The following DPYD variants were observed in gnomAD, a reference collection of about 807,000 sequenced individuals.
DPYD encodes dihydropyrimidine dehydrogenase, also known as dihydropyrimidine dehydrogenase [NADP(+)].
In DPYD, 109 loss-of-function variants were observed where a neutral mutation model predicts 116.2. The ratio of observed to expected loss-of-function variants is 0.94; its 90% CI spans 0.80 to 1.10. The LOEUF is 1.10. Ranked by LOEUF, DPYD falls within the 50% of genes least tolerant of loss-of-function variation. DPYD has a pLI of 0.00. For synonymous variants in DPYD, 440 were observed against 432.0 expected, an observed-to-expected ratio of 1.02 and a Z score of -0.23; for missense variants, 1,302 against 1,254.5, an observed-to-expected ratio of 1.04 and a Z score of -0.57.
intron 20 of DPYD, among the ~76,000 whole-genome samples, chr1:97,188,429 C>T (rs1351123952): frequency 8.5e-5 from 13 of 152,236 alleles, no homozygotes; most frequent in South Asian, 6.2e-4. Context: ...ACAGATAATT[C>T]GTGCAATTTA....
chr1:97,199,225 A>G (rs1428522152), intron 19 of DPYD, among the ~76,000 whole-genome samples: 4 of 152,140 alleles, frequency 2.6e-5, no homozygotes, highest in African/African-American at 9.7e-5. Flanking sequence ...AGAGGGAGTA[A>G]TATTCTTACT....
intron 14 of DPYD, among the ~76,000 whole-genome samples, chr1:97,428,837 A>G (rs935231634): frequency 2.0e-5 from 3 of 151,972 alleles, no homozygotes; most frequent in Non-Finnish European, 4.4e-5. Context: ...TGACAGTAAG[A>G]AAGATTTCAA....
intron 14 of DPYD, among the ~76,000 whole-genome samples, chr1:97,417,107 T>A (rs929571974): frequency 6.6e-6 from 1 of 152,178 alleles, no homozygotes; most frequent in African/African-American, 2.4e-5. Context: ...AGAGAGGCCA[T>A]ATAATCTAGT....
At chr1:97,761,021 G>A (rs1403247175) in intron 3 of DPYD, among the ~76,000 whole-genome samples, 1 of 152,058 alleles carries the variant, frequency 6.6e-6, no homozygotes, top group Non-Finnish European at 1.5e-5. Flanking sequence ...TGAATCTAAG[G>A]TGTAGGTCCA....
intron 14 of DPYD, among the ~76,000 whole-genome samples, chr1:97,406,353 T>G (rs1673657534): frequency 6.7e-6 from 1 of 150,136 alleles, no homozygotes; most frequent in South Asian, 2.1e-4. Context: ...GAATAAAACC[T>G]ATTTTAAAAT....
chr1:97,250,009 C>T (rs1327769766), intron 18 of DPYD, among the ~76,000 whole-genome samples: 5 of 152,136 alleles, frequency 3.3e-5, no homozygotes, highest in Non-Finnish European at 5.9e-5. Context: ...TGGTGGCTCA[C>T]GCCTGTAATC....
At chr1:97,439,131 A>G (rs916152252) in intron 14 of DPYD, among the ~76,000 whole-genome samples, 1 of 151,864 alleles carries the variant, frequency 6.6e-6, no homozygotes, top group Non-Finnish European at 1.5e-5. Context: ...TATTGGGTTT[A>G]TTGAGATAAT....
chr1:97,654,221 A>C (rs1028652112), intron 8 of DPYD, among the ~76,000 whole-genome samples: 3 of 152,344 alleles, frequency 2.0e-5, no homozygotes, highest in Admixed American at 1.3e-4. Flanking sequence ...TATGATGGAT[A>C]GATAATTACA....
chr1:97,900,126 A>T (rs999215652), intron 1 of DPYD, among the ~76,000 whole-genome samples: 3 of 151,888 alleles, frequency 2.0e-5, no homozygotes, highest in Non-Finnish European at 4.4e-5. Context: ...CATTAAAGGG[A>T]GAGGTATACC....
chr1:97,210,817 C>G (rs1222204042), intron 19 of DPYD, among the ~76,000 whole-genome samples: 5 of 152,078 alleles, frequency 3.3e-5, no homozygotes, highest in African/African-American at 1.2e-4. Context: ...CTCCACCAGT[C>G]CAAAGTCTAG....
chr1:97,237,272 A>G (rs918751710), intron 18 of DPYD, among the ~76,000 whole-genome samples: 3 of 143,628 alleles, frequency 2.1e-5, no homozygotes, highest in Admixed American at 7.0e-5. Context: ...AAAAAAAAAA[A>G]TCGGTGGCTT....
At chr1:97,626,210 G>A (rs931025342) in intron 8 of DPYD, among the ~76,000 whole-genome samples, 5 of 151,804 alleles carry the variant, frequency 3.3e-5, no homozygotes, top group East Asian at 3.9e-4. Flanking sequence ...TTTTGTCAGC[G>A]TTTCATTAAT....
intron 17 of DPYD, among the ~76,000 whole-genome samples, 175 bp from the exon 18 acceptor site, chr1:97,305,553 AAAG>A (rs1187500782): frequency 6.6e-6 from 1 of 152,016 alleles, no homozygotes; most frequent in Non-Finnish European, 1.5e-5. Flanking sequence ...TTTAAACATT[AAAG>A]AAGTTTTAAT....
chr1:97,509,383 G>T (rs1438393447), intron 13 of DPYD, among the ~76,000 whole-genome samples: 4 of 151,970 alleles, frequency 2.6e-5, no homozygotes, highest in African/African-American at 9.7e-5. Context: ...TGTTGTAGAG[G>T]TTTAAAATAT....
At chr1:97,457,652 C>G (rs1324513989) in intron 13 of DPYD, among the ~76,000 whole-genome samples, 1 of 152,064 alleles carries the variant, frequency 6.6e-6, no homozygotes. Flanking sequence ...CAGAAACAGT[C>G]AAAACAAAAG....
At chr1:97,306,879 A>T (rs1285224437) in intron 16 of DPYD, among the ~76,000 whole-genome samples, 2 of 151,964 alleles carry the variant, frequency 1.3e-5, no homozygotes, top group Admixed American at 1.3e-4. Flanking sequence ...ACTTTAATTT[A>T]CTTTTGTAAA....
chr1:97,543,647 A>C (rs1650615526), intron 12 of DPYD, among the ~76,000 whole-genome samples: 1 of 152,198 alleles, frequency 6.6e-6, no homozygotes, highest in African/African-American at 2.4e-5. Context: ...AATTTTTTTA[A>C]CAAATGCTAC....
chr1:97,532,171 A>G (rs190833176), intron 12 of DPYD, among the ~76,000 whole-genome samples: 45 of 152,170 alleles, frequency 3.0e-4, no homozygotes, highest in African/African-American at 1.1e-3. Flanking sequence ...TATCACATTT[A>G]TTGATTTGTG....
intron 19 of DPYD, among the ~76,000 whole-genome samples, chr1:97,213,950 C>T (rs1240021988): frequency 6.6e-6 from 1 of 152,082 alleles, no homozygotes; most frequent in Admixed American, 6.6e-5. Context: ...GCACATGTGC[C>T]GTCTGCTTGT....
Sources: gnomAD v4.1 joint callset for allele counts (sites outside exome capture counted in the v4.1 genomes callset) on GRCh38, gnomAD v4.1.1 for gene constraint, MANE v1.5 for transcripts, NCBI Gene and HGNC (gene_info 2026-07-23, HGNC 2026-07-21) for gene names.